Variants in HNF1B observed in about 807,000 individuals in gnomAD.
The protein encoded by HNF1B is hepatocyte nuclear factor 1-beta.
HNF1B carries 8 observed loss-of-function variants against 61.7 expected under a neutral mutation model. The ratio of observed to expected loss-of-function variants is 0.13; its 90% CI spans 0.08 to 0.23. The LOEUF is 0.23. Ranked by LOEUF, HNF1B falls within the 10% of genes least tolerant of loss-of-function variation. The pLI, the probability that HNF1B is intolerant of heterozygous loss-of-function variation, is 1.00. For missense variants in HNF1B, 562 were observed against 714.5 expected, an observed-to-expected ratio of 0.79 and a Z score of 2.43; for synonymous variants, 314 against 287.7, an observed-to-expected ratio of 1.09 and a Z score of -0.93.
chr17:37,722,646 C>A (rs1465389581), intron 4 of HNF1B, among the ~76,000 whole-genome samples: 1 of 152,232 alleles, frequency 6.6e-6, no homozygotes, highest in Admixed American at 6.5e-5. Flanking sequence ...CCTGAGAAAA[C>A]TGACTCTTGA....
intron 5 of HNF1B, among the ~76,000 whole-genome samples, chr17:37,708,494 G>C (rs956209052): frequency 5.9e-5 from 9 of 152,188 alleles, no homozygotes; most frequent in Non-Finnish European, 1.3e-4. Context: ...TTGCCTCTTA[G>C]AAGGAGGAGA....
intron 5 of HNF1B, among the ~76,000 whole-genome samples, chr17:37,709,290 T>C (rs2032855244): frequency 6.6e-6 from 1 of 152,222 alleles, no homozygotes; most frequent in Non-Finnish European, 1.5e-5. Context: ...AGTCTCACTC[T>C]GTTGCCCAGG....
chr17:37,719,133 GTTA>G lies in HNF1B; in HGVS notation c.1046-8473_1046-8471del, dbSNP rs531692611. Among the ~76,000 whole-genome samples the G allele has an allele frequency of 4.4e-4, 60 of 135,344 alleles. No homozygotes were observed. In the South Asian group the frequency reaches 0.014, roughly 32 times the overall value. The allele number at this position is 135,344 out of a possible 152,430, so 88.8% of individuals were successfully genotyped here. A position where few individuals can be genotyped will look rare whatever the true frequency, so the allele number is the denominator to read the frequency against. Reference sequence around the variant, plus strand: ...TATTAATATTATTATTATTATTATTGTTATTATTATTTTGAAGAGATGGGGGGG... The same window carrying G: ...TATTAATATTATTATTATTATTATTGTTATTATTTTGAAGAGATGGGGGGG... On this transcript the variant is annotated intron_variant, in intron 4 of 8. Coordinates refer to ENST00000617811, the MANE Select transcript of HNF1B (RefSeq NM_000458.4).
intron 3 of HNF1B, 32 bp from the exon 4 acceptor site, chr17:37,731,862 A>C: frequency 5.7e-4 from 234 of 410,544 alleles, no homozygotes; most frequent in Non-Finnish European, 7.2e-4. Flanking sequence ...ATGGTGAGTG[A>C]GGGGGGGCGG....
intron 4 of HNF1B, among the ~76,000 whole-genome samples, chr17:37,716,637 C>A (rs1171283876): frequency 1.3e-5 from 2 of 152,196 alleles, no homozygotes; most frequent in Non-Finnish European, 2.9e-5. Context: ...CAAAGACAAA[C>A]ATGACTGCCT....
chr17:37,724,389 G>C (rs2033424023), intron 4 of HNF1B, among the ~76,000 whole-genome samples: 2 of 152,156 alleles, frequency 1.3e-5, no homozygotes, highest in Admixed American at 1.3e-4. Context: ...GACAGGTCCA[G>C]GGTGCAGCTT....
chr17:37,720,367 A>T (rs1450533763), intron 4 of HNF1B, among the ~76,000 whole-genome samples: 1 of 152,134 alleles, frequency 6.6e-6, no homozygotes, highest in Non-Finnish European at 1.5e-5. Flanking sequence ...TTAGGGAGAA[A>T]CTCATGATAC....
Position 37,737,654 on chromosome 17 carries a change from G to T in HNF1B, c.544+1786C>A, listed in dbSNP as rs188692363. Among the ~76,000 whole-genome samples the T allele has an allele frequency of 2.5e-3, 366 of 147,360 alleles. 6 individuals are homozygous for T. The East Asian group carries it at 0.049, about 20-fold the overall frequency. On this transcript the variant is annotated intron_variant, in intron 2 of 8. Transcript: ENST00000617811. ...AGCCTGGCCAACATAGTGAAACCCC[G>T]TCTCTACTAAAAATACCAAAAAAAA...
At chr17:37,726,276 A>C (rs1161923472) in intron 4 of HNF1B, among the ~76,000 whole-genome samples, 1 of 152,238 alleles carries the variant, frequency 6.6e-6, no homozygotes, top group Non-Finnish European at 1.5e-5. Context: ...CCACTTACTA[A>C]GAATATGAAC....
chr17:37,724,909 T>C (rs2033442961), intron 4 of HNF1B, among the ~76,000 whole-genome samples: 2 of 64,472 alleles, frequency 3.1e-5, no homozygotes, highest in South Asian at 7.3e-4. Flanking sequence ...TATGCGTGTG[T>C]GTGTGTGTGT....
chr17:37,733,877 GAC>G, intron 2 of HNF1B, 56 bp from the exon 3 acceptor site: 2 of 1,510,658 alleles, frequency 1.3e-6, no homozygotes, highest in Non-Finnish European at 1.8e-6. Context: ...TCAGCAGACA[GAC>G]AGACAGACAG....
At chr17:37,733,420 G>C (rs765126017) in intron 3 of HNF1B, 137 bp downstream of exon 3, 16 of 995,448 alleles carry the variant, frequency 1.6e-5, no homozygotes, top group Admixed American at 1.4e-4. Flanking sequence ...TTGGGGTTCT[G>C]TGGAACATAC....
At chr17:37,735,256 T>G (rs74398459) in intron 2 of HNF1B, among the ~76,000 whole-genome samples, 9,301 of 152,276 alleles carry the variant, frequency 0.061, 421 homozygotes, top group Middle Eastern at 0.17. Context: ...GTCAGGCTAC[T>G]ACTTAACGTT....
intron 5 of HNF1B, 122 bp downstream of exon 5, chr17:37,710,381 C>T: frequency 1.5e-6 from 2 of 1,293,512 alleles, no homozygotes; most frequent in Non-Finnish European, 2.2e-6. Context: ...CTCTGGACAG[C>T]CCTCATTTTC....
At chr17:37,740,071 C>T (rs922587281) in intron 1 of HNF1B, among the ~76,000 whole-genome samples, 1 of 152,036 alleles carries the variant, frequency 6.6e-6, no homozygotes, top group African/African-American at 2.4e-5. Context: ...TGGGTTCAAG[C>T]GATTCTCCTG....
Position 37,710,579 on chromosome 17 carries a change from C to T in HNF1B, c.1130G>A (p.Ser377Asn). ...SHHGNSAMVT[S>N]QSVLQQVSPA... ...GGAGACTTGCTGTAAAACCGACTGGCTGGTCACCATGGCGCTGTTGCCATG... is the reference window on the plus strand; with the variant it reads ...GGAGACTTGCTGTAAAACCGACTGGTTGGTCACCATGGCGCTGTTGCCATG... The change falls in exon 5 of 9, where the codon AGC (serine) becomes AAC (asparagine). Residue 377 changes from serine to asparagine, a missense_variant. By Grantham distance (46) the Ser-to-Asn change is conservative. Around this residue, in one of 6 missense-constraint regions of HNF1B, gnomAD observed 211 missense variants for 200.7 expected, o/e 1.05. Coordinates refer to ENST00000617811, the MANE Select transcript of HNF1B (RefSeq NM_000458.4). The T allele has an allele frequency of 6.2e-7, 1 of 1,614,142 alleles. No homozygotes were observed. The highest frequency in any genetic ancestry group is 1.1e-5 in the South Asian group (1 of 91,078).
intron 2 of HNF1B, among the ~76,000 whole-genome samples, chr17:37,736,312 T>C (rs2033831215): frequency 6.6e-6 from 1 of 152,262 alleles, no homozygotes. Context: ...TTTCATTTGA[T>C]GTGAACAGAC....
intron 8 of HNF1B, among the ~76,000 whole-genome samples, chr17:37,691,720 G>C (rs2032211040): frequency 6.6e-6 from 1 of 152,156 alleles, no homozygotes; most frequent in Non-Finnish European, 1.5e-5. Flanking sequence ...ACATTTCTCT[G>C]AGGTCACACA....
chr17:37,720,175 G>T (rs938330890), intron 4 of HNF1B, among the ~76,000 whole-genome samples: 1 of 152,180 alleles, frequency 6.6e-6, no homozygotes. Flanking sequence ...TAATTGATTT[G>T]CAGTAGTCCA....
Sources: gnomAD v4.1 joint callset for allele counts (sites outside exome capture counted in the v4.1 genomes callset) on GRCh38, gnomAD v4.1.1 for gene constraint, gnomAD v4.1.1 regional missense constraint, MANE v1.5 for transcripts, NCBI Gene and HGNC (gene_info 2026-07-23, HGNC 2026-07-21) for gene names.